INAVA: variants seen among roughly 807,000 people sequenced by gnomAD.
INAVA encodes innate immunity activator.
In INAVA, 32 loss-of-function variants were observed where a neutral mutation model predicts 55.3. The observed-to-expected ratio is 0.58, with a 90% CI of 0.44 to 0.78. INAVA has a LOEUF of 0.78. Ranked by LOEUF, INAVA falls within the 30% of genes least tolerant of loss-of-function variation. INAVA has a pLI of 0.00. For synonymous variants in INAVA, 294 were observed against 329.4 expected, an observed-to-expected ratio of 0.89 and a Z score of 1.16; for missense variants, 756 against 786.4, an observed-to-expected ratio of 0.96 and a Z score of 0.46.
chr1:200,897,425 T>G (rs766568887), intron 1 of INAVA, among the ~76,000 whole-genome samples: 2 of 152,152 alleles, frequency 1.3e-5, no homozygotes. Flanking sequence ...GCTGCACATA[T>G]CTGCAGATGA....
rs140881790 is a variant in INAVA at position 200,906,966 on chromosome 1, C to T, written c.521-868C>T. Among the ~76,000 whole-genome samples, 564 of 152,282 alleles carry T rather than the reference C, an allele frequency of 3.7e-3. 3 individuals are homozygous for T. The highest frequency in any genetic ancestry group is 0.013 in the African/African-American group (532 of 41,552). On this transcript the variant is annotated intron_variant, in intron 5 of 9. Coordinates refer to ENST00000413687, the MANE Select transcript of INAVA (RefSeq NM_001142569.3). ...TCAGGTTCCCAAGTAGCTGGGACTA[C>T]AGGCATGCACCATCATGCCTGGCTA...
chr1:200,912,901 C>T (rs1653809734), intron 9 of INAVA, among the ~76,000 whole-genome samples: 1 of 152,150 alleles, frequency 6.6e-6, no homozygotes, highest in African/African-American at 2.4e-5. Flanking sequence ...ATAGAGCACC[C>T]TGACACTGGG....
At chr1:200,905,879 C>T (rs1375202949) in intron 5 of INAVA, among the ~76,000 whole-genome samples, 1 of 152,040 alleles carries the variant, frequency 6.6e-6, no homozygotes, top group East Asian at 1.9e-4. Flanking sequence ...GAGATGCAAG[C>T]TCACAGGGGA....
chr1:200,899,677 G>A, intron 3 of INAVA, 80 bp downstream of exon 3: 1 of 1,546,642 alleles, frequency 6.5e-7, no homozygotes, highest in Non-Finnish European at 8.7e-7. Context: ...CGGGAGCTGG[G>A]GAGAGGGAGC....
chr1:200,894,949 A>G lies in INAVA; in HGVS notation c.-233A>G. 2.0e-6 allele frequency: 2 copies of G among 985,676 alleles called. No individual in the cohort carries two copies. The highest frequency in any genetic ancestry group is 2.4e-6 in the Non-Finnish European group (2 of 830,132). The allele number at this position is 985,676 out of a possible 1,614,324, so 61.1% of individuals were successfully genotyped here. ...TAGGCAGGTGAGCCGAGACGGACGGACGGCCAGCAGCTCCGTCAGCTGGAG... is the reference window on the plus strand; with the variant it reads ...TAGGCAGGTGAGCCGAGACGGACGGGCGGCCAGCAGCTCCGTCAGCTGGAG... On this transcript the variant is annotated 5_prime_UTR_variant, in exon 1 of 10. Coordinates refer to ENST00000413687, the MANE Select transcript of INAVA (RefSeq NM_001142569.3).
intron 5 of INAVA, among the ~76,000 whole-genome samples, chr1:200,904,722 T>C (rs1653411666): frequency 6.8e-6 from 1 of 147,236 alleles, no homozygotes; most frequent in Non-Finnish European, 1.5e-5. Context: ...GAAACCTGAA[T>C]CTTTTTTTTT....
intron 3 of INAVA, 47 bp downstream of exon 3, chr1:200,899,644 C>G: frequency 5.0e-6 from 8 of 1,601,282 alleles, no homozygotes; most frequent in Non-Finnish European, 6.8e-6. Context: ...ATCTCAGGAG[C>G]TGTGGAGCCA....
Position 200,906,922 on chromosome 1 carries a change from C to A in INAVA, c.521-912C>A, listed in dbSNP as rs147299159. 4.7e-3 allele frequency among the ~76,000 whole-genome samples: 718 copies of A among 152,252 alleles called. 5 individuals carry two copies. The highest frequency in any genetic ancestry group is 0.016 in the African/African-American group (657 of 41,556). ...CTCACTGCAGCCTCGACCTCCCAGGCTCAAGTGATCTTCCCATCTCAGGTT... is the reference window on the plus strand; with the variant it reads ...CTCACTGCAGCCTCGACCTCCCAGGATCAAGTGATCTTCCCATCTCAGGTT... On this transcript the variant is annotated intron_variant, in intron 5 of 9. Coordinates refer to ENST00000413687, the MANE Select transcript of INAVA (RefSeq NM_001142569.3).
intron 6 of INAVA, 48 bp downstream of exon 6, chr1:200,907,935 C>A (rs377137558): frequency 2.0e-6 from 3 of 1,513,294 alleles, no homozygotes; most frequent in Non-Finnish European, 2.8e-6. Context: ...ACTCCTACTG[C>A]AAGACCATGG....
chr1:200,901,306 C>T, intron 5 of INAVA, 147 bp downstream of exon 5: 2 of 772,490 alleles, frequency 2.6e-6, no homozygotes, highest in African/African-American at 1.8e-5. Context: ...TCCTGATTCT[C>T]TCCAACTCCA....
chr1:200,908,556 C>A, intron 6 of INAVA, 174 bp from the exon 7 acceptor site: 1 of 575,510 alleles, frequency 1.7e-6, no homozygotes, highest in East Asian at 3.1e-5. Flanking sequence ...AGAAGTAAGT[C>A]CCAAAGGAGA....
chr1:200,903,880 C>G (rs191284116), intron 5 of INAVA, among the ~76,000 whole-genome samples: 78 of 151,630 alleles, frequency 5.1e-4, no homozygotes, highest in African/African-American at 1.8e-3. Context: ...CCCCCTTGGG[C>G]TCCATACAAG....
At chr1:200,901,307 T>A in intron 5 of INAVA, 148 bp downstream of exon 5, 1 of 771,346 alleles carries the variant, frequency 1.3e-6, no homozygotes, top group Non-Finnish European at 2.0e-6. Flanking sequence ...CCTGATTCTC[T>A]CCAACTCCAG....
Position 200,907,858 on chromosome 1 carries a change from C to T in INAVA, c.545C>T (p.Ser182Phe), listed in dbSNP as rs1232228678. 1.2e-6 allele frequency: 2 copies of T among 1,612,804 alleles called. No homozygotes were observed. The highest frequency in any genetic ancestry group is 1.7e-4 in the Middle Eastern group (1 of 5,920). The change falls in exon 6 of 10, where the codon TCC becomes TTC. Residue 182 changes from serine to phenylalanine, a missense_variant. Ser to Phe is a radical substitution (Grantham distance 155). This residue lies in a region of INAVA where 639 missense variants were observed against 624.3 expected (regional missense o/e 1.02). Transcript: ENST00000413687. ...GAGCTCAGTGCCTCTGATGACAGCT[C>T]CCTGTCAGATGGGCTCCTCCTGGAG... ...GRELSASDDS[S>F]LSDGLLLEEE...
chr1:200,897,524 C>A (rs1379229012), intron 1 of INAVA, among the ~76,000 whole-genome samples: 2 of 152,232 alleles, frequency 1.3e-5, no homozygotes, highest in African/African-American at 4.8e-5. Context: ...CATGTGCCTG[C>A]CCACTTCTTG....
intron 4 of INAVA, 76 bp downstream of exon 4, chr1:200,900,296 T>G: frequency 7.6e-7 from 1 of 1,319,370 alleles, no homozygotes; most frequent in Non-Finnish European, 1.1e-6. Context: ...CTCAGCTCAG[T>G]ACCCTGGCAG....
At chr1:200,891,679 G>T, upstream of INAVA, 1 of 1,485,548 alleles carries the variant, frequency 6.7e-7, no homozygotes, top group Non-Finnish European at 8.9e-7. Flanking sequence ...GCAGGCGGGC[G>T]GCGCCAGAGC....
At position 200,911,497 on chromosome 1, in the gene INAVA, C is replaced by A. The variant is rs200889068; in HGVS notation, c.1004C>A (p.Ala335Asp). Reference sequence around the variant, plus strand: ...GGTCCTGAGGGCCGAGGTCGCAGCGCCTTTCCCCGCCGCCGCCCCACTCAC... The same window carrying A: ...GGTCCTGAGGGCCGAGGTCGCAGCGACTTTCCCCGCCGCCGCCCCACTCAC... Reference protein sequence around the residue: ...RAGPEGRGRSAFPRRRPTHYT... With the variant: ...RAGPEGRGRSDFPRRRPTHYT... The change falls in exon 9 of 10, where the codon GCC (alanine) becomes GAC (aspartate). Residue 335 changes from alanine to aspartate, a missense_variant. Physicochemically the swap from Ala to Asp is moderately radical, Grantham distance 126 (BLOSUM62 -2). This residue lies in a region of INAVA where 639 missense variants were observed against 624.3 expected (regional missense o/e 1.02). Transcript: ENST00000413687. 1 of 1,613,672 alleles carries A rather than the reference C, an allele frequency of 6.2e-7. No homozygotes were observed. Among genetic ancestry groups the A allele is most frequent in the Admixed American group, 1.7e-5 (1 of 60,012 alleles).
At position 200,915,599 on chromosome 1, in the gene INAVA, G is replaced by A. The variant is rs1653907580; in HGVS notation, c.*1970G>A. On this transcript the variant is annotated 3_prime_UTR_variant, in exon 10 of 10. Transcript: ENST00000413687. ...GAGCACTGGCCCTCCACACCTAAGC[G>A]TCCTTTACATTAACTTATTGGTCTT... is the stretch of plus-strand genomic sequence containing the variant. 1 of 152,044 alleles carries A rather than the reference G, an allele frequency of 6.6e-6. No individual in the cohort carries two copies. Among genetic ancestry groups the A allele is most frequent in the South Asian group, 2.1e-4 (1 of 4,808 alleles). The allele number at this position is 152,044 out of a possible 1,614,324, so 9.4% of individuals were successfully genotyped here.
Sources: allele counts gnomAD v4.1 joint callset (sites outside exome capture counted in the v4.1 genomes callset), GRCh38; gene constraint gnomAD v4.1.1; regional missense constraint gnomAD v4.1.1; transcripts MANE v1.5; gene names NCBI Gene and HGNC (gene_info 2026-07-23, HGNC 2026-07-21).